NRXN3: variants seen among roughly 807,000 people sequenced by gnomAD.
NRXN3 encodes neurexin III.
Under a neutral mutation model 137.6 loss-of-function variants are expected in NRXN3, and 32 were observed. That is an observed-to-expected ratio of 0.23 (90% CI 0.18 to 0.31). NRXN3 has a LOEUF of 0.31. Ranked by LOEUF, NRXN3 falls within the 10% of genes least tolerant of loss-of-function variation. The pLI is 1.00. For missense variants in NRXN3, 1,574 were observed against 2,062.5 expected, an observed-to-expected ratio of 0.76 and a Z score of 4.59; for synonymous variants, 798 against 784.5, an observed-to-expected ratio of 1.02 and a Z score of -0.29.
intron 20 of NRXN3, among the ~76,000 whole-genome samples, chr14:79,846,054 G>A (rs1469396083): frequency 2.6e-5 from 4 of 152,114 alleles, no homozygotes; most frequent in Non-Finnish European, 2.9e-5. Context: ...AGTTATAATA[G>A]TAACATCAAA....
At chr14:78,573,826 T>A (rs2096911499) in intron 4 of NRXN3, among the ~76,000 whole-genome samples, 1 of 152,210 alleles carries the variant, frequency 6.6e-6, no homozygotes, top group South Asian at 2.1e-4. Flanking sequence ...GAAATTTGCA[T>A]AAGTAATGAG....
chr14:79,557,524 T>A (rs2097442475), intron 16 of NRXN3, among the ~76,000 whole-genome samples: 1 of 152,158 alleles, frequency 6.6e-6, no homozygotes, highest in Admixed American at 6.6e-5. Context: ...ATAAAGTGAG[T>A]CACACAAATT....
At chr14:79,669,220 G>A (rs2098592057) in intron 17 of NRXN3, 1 of 152,106 alleles carries the variant, frequency 6.6e-6, no homozygotes, top group Admixed American at 6.6e-5. Flanking sequence ...GTCCTGCAGA[G>A]GGAATAAGAA....
At chr14:79,753,142 C>T (rs918091994) in intron 19 of NRXN3, among the ~76,000 whole-genome samples, 5 of 151,944 alleles carry the variant, frequency 3.3e-5, no homozygotes, top group African/African-American at 7.3e-5. Flanking sequence ...CTAGTTCAAC[C>T]ATTGTGGAAG....
chr14:79,117,048 C>A (rs2054566695), intron 15 of NRXN3, among the ~76,000 whole-genome samples: 1 of 152,118 alleles, frequency 6.6e-6, no homozygotes, highest in South Asian at 2.1e-4. Context: ...TTAATTCATT[C>A]AGTAAAAAAA....
chr14:78,458,397 A>C (rs140960470), intron 4 of NRXN3, among the ~76,000 whole-genome samples: 112 of 152,340 alleles, frequency 7.4e-4, no homozygotes, highest in African/African-American at 2.6e-3. Context: ...ACCACTCTCC[A>C]AATCTATGCC....
chr14:78,620,363 A>G (rs2097390052), intron 4 of NRXN3, among the ~76,000 whole-genome samples: 1 of 152,224 alleles, frequency 6.6e-6, no homozygotes. Flanking sequence ...AGGCAGCTAG[A>G]AAAATAACCT....
At chr14:79,480,111 C>A (rs777335473) in intron 16 of NRXN3, among the ~76,000 whole-genome samples, 3 of 152,134 alleles carry the variant, frequency 2.0e-5, no homozygotes, top group Non-Finnish European at 4.4e-5. Context: ...GTCTTCACAG[C>A]GACCATGGCC....
At chr14:78,376,607 C>A (rs1406732342) in intron 4 of NRXN3, among the ~76,000 whole-genome samples, 1 of 152,140 alleles carries the variant, frequency 6.6e-6, no homozygotes, top group African/African-American at 2.4e-5. Flanking sequence ...CTTGAGTTTT[C>A]TTTTGCCTCC....
intron 4 of NRXN3, among the ~76,000 whole-genome samples, chr14:78,623,435 C>T (rs569063133): frequency 6.6e-6 from 1 of 152,178 alleles, no homozygotes; most frequent in Non-Finnish European, 1.5e-5. Context: ...TTTTAGCTTC[C>T]ATCACTCCCT....
chr14:79,478,187 T>G (rs12885277), intron 16 of NRXN3, among the ~76,000 whole-genome samples: 53,838 of 147,548 alleles, frequency 0.36, 10,486 homozygotes, highest in Middle Eastern at 0.5. Flanking sequence ...ATATATTATT[T>G]TATATATTTA....
At position 78,966,291 on chromosome 14, in the gene NRXN3, C is replaced by G; in HGVS notation, c.2662C>G (p.Gln888Glu). 1 of 1,614,202 alleles carries G rather than the reference C, an allele frequency of 6.2e-7. No individual in the cohort carries two copies. The highest frequency in any genetic ancestry group is 8.5e-7 in the Non-Finnish European group (1 of 1,180,026). The stretch of plus-strand genomic sequence containing the variant: ...CAGCTACCTGAGCCTTGCCACTCTT[C>G]AGGCTTACACCTCCATGCACCTCTT... Reference protein sequence around the residue: ...KSSYLSLATLQAYTSMHLFFQ... With the variant: ...KSSYLSLATLEAYTSMHLFFQ... Residue 888 changes from glutamine (Q) to glutamate (E), a missense_variant, in exon 12 of 21, where the codon CAG becomes GAG. Physicochemically the swap from Gln to Glu is conservative, Grantham distance 29 (BLOSUM62 2). This residue lies in a region of NRXN3 where 718 missense variants were observed against 887.6 expected (regional missense o/e 0.81). Transcript: ENST00000335750.
At chr14:79,131,432 C>T (rs527606354) in intron 15 of NRXN3, among the ~76,000 whole-genome samples, 18 of 152,170 alleles carry the variant, frequency 1.2e-4, no homozygotes, top group African/African-American at 3.9e-4. Context: ...TTGGAGTACC[C>T]AGCCGTGTGA....
At chr14:79,113,341 T>C (rs1169766754) in intron 15 of NRXN3, among the ~76,000 whole-genome samples, 3 of 152,178 alleles carry the variant, frequency 2.0e-5, no homozygotes, top group African/African-American at 4.8e-5. Flanking sequence ...ACCTTTTGAA[T>C]GTCTCCACCA....
chr14:78,588,622 G>A (rs1001420443), intron 4 of NRXN3, among the ~76,000 whole-genome samples: 5 of 152,154 alleles, frequency 3.3e-5, no homozygotes, highest in Non-Finnish European at 7.3e-5. Context: ...AAATCAGTAC[G>A]ATAATACTCG....
intron 15 of NRXN3, among the ~76,000 whole-genome samples, chr14:79,297,539 G>T (rs2084389497): frequency 6.6e-6 from 1 of 152,102 alleles, no homozygotes; most frequent in Admixed American, 6.6e-5. Flanking sequence ...TAACAAACAG[G>T]TAATCATCTA....
At chr14:79,086,850 G>T (rs946394553) in intron 15 of NRXN3, among the ~76,000 whole-genome samples, 2 of 152,118 alleles carry the variant, frequency 1.3e-5, no homozygotes, top group Non-Finnish European at 2.9e-5. Flanking sequence ...ACAGGCAAAG[G>T]TTACTTTTAC....
intron 16 of NRXN3, among the ~76,000 whole-genome samples, chr14:79,543,584 C>A (rs929570940): frequency 1.3e-5 from 2 of 152,090 alleles, no homozygotes; most frequent in Non-Finnish European, 2.9e-5. Context: ...ACTGGAGAGT[C>A]GGCTGTATTT....
chr14:79,154,147 T>C (rs932218133), intron 15 of NRXN3, among the ~76,000 whole-genome samples: 7 of 151,958 alleles, frequency 4.6e-5, no homozygotes, highest in Non-Finnish European at 1.0e-4. Context: ...TTGGGGGCCA[T>C]TGTGTATTGA....
Sources: gnomAD v4.1 joint callset for allele counts (sites outside exome capture counted in the v4.1 genomes callset) on GRCh38, gnomAD v4.1.1 for gene constraint, gnomAD v4.1.1 regional missense constraint, MANE v1.5 for transcripts, NCBI Gene and HGNC (gene_info 2026-07-23, HGNC 2026-07-21) for gene names.